The following MBOAT1 variants were observed in gnomAD, a reference collection of about 807,000 sequenced individuals.
MBOAT1 encodes membrane bound glycerophospholipid O-acyltransferase 1.
A neutral mutation model predicts 64.4 loss-of-function variants in MBOAT1; 67 were observed. The observed-to-expected ratio is 1.04, with a 90% CI of 0.85 to 1.27. MBOAT1 has a LOEUF of 1.27. Among genes scored for constraint, MBOAT1 ranks in the 50% most tolerant of loss-of-function variants. MBOAT1 has a pLI of 0.00. For missense variants in MBOAT1, 563 were observed against 604.6 expected (o/e 0.93, Z 0.72); for synonymous variants, 229 against 218.9 (o/e 1.05, Z -0.41).
At chr6:20,210,722 C>T (rs79844518) in intron 1 of MBOAT1, among the ~76,000 whole-genome samples, 13 of 152,194 alleles carry the variant, frequency 8.5e-5, no homozygotes, top group African/African-American at 3.1e-4. Flanking sequence ...ATTCTAGCAC[C>T]TCCCAGCCAT....
intron 1 of MBOAT1, among the ~76,000 whole-genome samples, chr6:20,181,636 A>C (rs1176509902): frequency 2.0e-5 from 3 of 152,238 alleles, no homozygotes; most frequent in Non-Finnish European, 4.4e-5. Context: ...AGAAAGAAGT[A>C]AAACAAGCAC....
At chr6:20,204,282 T>C (rs1053456499) in intron 1 of MBOAT1, among the ~76,000 whole-genome samples, 4 of 152,104 alleles carry the variant, frequency 2.6e-5, no homozygotes, top group Admixed American at 6.5e-5. Context: ...GTGTGTGCAT[T>C]GGGCACGTGA....
chr6:20,121,822 T>TACAC (rs57033694), intron 8 of MBOAT1, among the ~76,000 whole-genome samples: 4 of 151,334 alleles, frequency 2.6e-5, no homozygotes, highest in African/African-American at 9.7e-5. Flanking sequence ...CTCTGTCCCC[T>TACAC]ACACACACAC....
At chr6:20,154,259 C>T (rs1281458020) in intron 1 of MBOAT1, among the ~76,000 whole-genome samples, 2 of 152,150 alleles carry the variant, frequency 1.3e-5, no homozygotes, top group African/African-American at 4.8e-5. Flanking sequence ...TGGCCAGGCG[C>T]GGTGGCTCAC....
intron 8 of MBOAT1, among the ~76,000 whole-genome samples, chr6:20,122,171 A>AAT (rs1342340556): frequency 1.3e-5 from 2 of 152,190 alleles, no homozygotes; most frequent in African/African-American, 4.8e-5. Flanking sequence ...ATCTCAAAAA[A>AAT]ATATATATAT....
rs184872510 is a variant in MBOAT1, at chr6:20,156,545, T to C, written c.100-3776A>G. ...AGGAGGGTTCTAGCAGATATAGGAT[T>C]GCTTTTCAGTGACCACACGTGTACA... is the stretch of plus-strand genomic sequence containing the variant. On this transcript the variant is annotated intron_variant, in intron 1 of 12. Coordinates refer to ENST00000324607, the MANE Select transcript of MBOAT1 (RefSeq NM_001080480.3). 2.0e-3 allele frequency among the ~76,000 whole-genome samples: 311 copies of C among 152,326 alleles called. 7 individuals are homozygous for C. The highest frequency in any genetic ancestry group is 0.017 in the Admixed American group (259 of 15,298).
rs538791525 is a variant in MBOAT1, at chr6:20,202,336, G to A, written c.99+9800C>T. Among the ~76,000 whole-genome samples the A allele has an allele frequency of 4.0e-3, 556 of 137,728 alleles. 3 individuals carry two copies. Among genetic ancestry groups the A allele is most frequent in the Middle Eastern group, 7.4e-3 (2 of 272 alleles). 90.4% of individuals were successfully genotyped at this position (137,728 alleles called of 152,430 possible). Reference sequence around the variant, plus strand: ...TCTTCTCCAAATTACATTAGAACCTGAGTTCCCTGGTTTTCGTTTTGTTTT... The same window carrying A: ...TCTTCTCCAAATTACATTAGAACCTAAGTTCCCTGGTTTTCGTTTTGTTTT... On this transcript the variant is annotated intron_variant, in intron 1 of 12. Coordinates refer to ENST00000324607, the MANE Select transcript of MBOAT1 (RefSeq NM_001080480.3).
chr6:20,118,059 C>G (rs1351423292), intron 9 of MBOAT1, among the ~76,000 whole-genome samples: 3 of 152,062 alleles, frequency 2.0e-5, no homozygotes, highest in African/African-American at 7.2e-5. Flanking sequence ...ATATTGAAAT[C>G]AAAATACAGG....
chr6:20,155,002 G>A (rs1294521817), intron 1 of MBOAT1, among the ~76,000 whole-genome samples: 3 of 152,240 alleles, frequency 2.0e-5, no homozygotes, highest in Non-Finnish European at 4.4e-5. Context: ...CAGATCACAT[G>A]TTCTTTCATT....
intron 8 of MBOAT1, 78 bp from the exon 9 acceptor site, chr6:20,118,618 C>G: frequency 8.6e-7 from 1 of 1,166,256 alleles, no homozygotes; most frequent in Non-Finnish European, 1.2e-6. Flanking sequence ...AAATATCTGT[C>G]TAGCTTCAAG....
At chr6:20,175,470 G>T (rs924551931) in intron 1 of MBOAT1, among the ~76,000 whole-genome samples, 1 of 151,674 alleles carries the variant, frequency 6.6e-6, no homozygotes, top group African/African-American at 2.4e-5. Flanking sequence ...TTTTTGAAAT[G>T]GAGTCTCACT....
At chr6:20,190,025 C>A (rs771089865) in intron 1 of MBOAT1, among the ~76,000 whole-genome samples, 6 of 151,562 alleles carry the variant, frequency 4.0e-5, no homozygotes, top group Non-Finnish European at 7.4e-5. Context: ...GAGAGAGTCT[C>A]ACTCTGTCAC....
At chr6:20,127,047 A>T (rs1581407346) in intron 6 of MBOAT1, among the ~76,000 whole-genome samples, 1 of 152,334 alleles carries the variant, frequency 6.6e-6, no homozygotes, top group East Asian at 1.9e-4. Flanking sequence ...AACATAAAGC[A>T]GGGCGGAACC....
At chr6:20,128,777 A>C in intron 5 of MBOAT1, 24 bp from the exon 6 acceptor site, 1 of 1,561,276 alleles carries the variant, frequency 6.4e-7, no homozygotes, top group Non-Finnish European at 8.7e-7. Flanking sequence ...AAGAATTTAG[A>C]AATAAGATGT....
At chr6:20,174,396 C>A (rs1480586925) in intron 1 of MBOAT1, among the ~76,000 whole-genome samples, 2 of 152,208 alleles carry the variant, frequency 1.3e-5, no homozygotes, top group Non-Finnish European at 2.9e-5. Context: ...GGTTACACAT[C>A]TGTACAGCAT....
chr6:20,111,859 C>CGTATATATATGCATATATATACGT, intron 11 of MBOAT1, among the ~76,000 whole-genome samples: 1 of 108,620 alleles, frequency 9.2e-6, no homozygotes, highest in African/African-American at 4.2e-5. Flanking sequence ...TATATATATA[C>CGTATATATATGCATATATATACGT]ATATATATAC....
At chr6:20,115,415 TC>T in intron 9 of MBOAT1, 63 bp from the exon 10 acceptor site, 1 of 1,322,710 alleles carries the variant, frequency 7.6e-7, no homozygotes. Flanking sequence ...TGGAAAGTTC[TC>T]CCCAGTTTCC....
At chr6:20,109,901 A>ATTTTTTTTTTTTTTTTTTT (rs756853889) in intron 11 of MBOAT1, 152 bp from the exon 12 acceptor site, 1 of 296,680 alleles carries the variant, frequency 3.4e-6, no homozygotes, top group African/African-American at 2.6e-5. Flanking sequence ...TACCATCAGG[A>ATTTTTTTTTTTTTTTTTTT]CTTTTTTTTT....
chr6:20,102,497 C>T lies in MBOAT1; in HGVS notation c.1362-85G>A. Reference sequence around the variant, plus strand: ...CCTAATTATATCACCTACAGTATGACAAGTGAGAGCACCGCTTTTGGCAGT... The same window carrying T: ...CCTAATTATATCACCTACAGTATGATAAGTGAGAGCACCGCTTTTGGCAGT... On this transcript the variant is annotated intron_variant, in intron 12 of 12. Transcript: ENST00000324607. 3 of 1,157,296 alleles carry T rather than the reference C, an allele frequency of 2.6e-6. No homozygotes were observed. In the South Asian group the frequency reaches 4.6e-5, roughly 18 times the overall value. The allele number at this position is 1,157,296 out of a possible 1,614,324, so 71.7% of individuals were successfully genotyped here. A position where few individuals can be genotyped will look rare whatever the true frequency, so the allele number is the denominator to read the frequency against.
Sources: gnomAD v4.1 joint callset for allele counts (sites outside exome capture counted in the v4.1 genomes callset) on GRCh38, gnomAD v4.1.1 for gene constraint, MANE v1.5 for transcripts, NCBI Gene and HGNC (gene_info 2026-07-23, HGNC 2026-07-21) for gene names.